MCM7: variants seen among roughly 807,000 people sequenced by gnomAD.
The protein encoded by MCM7 is minichromosome maintenance complex component 7.
Under a neutral mutation model 83.5 loss-of-function variants are expected in MCM7, and 95 were observed. The ratio of observed to expected loss-of-function variants is 1.14; its 90% CI spans 0.96 to 1.35. MCM7 has a LOEUF of 1.35. MCM7 is among the 40% of genes most tolerant of loss of function. The pLI is 0.00. For synonymous variants in MCM7, 461 were observed against 352.7 expected, an observed-to-expected ratio of 1.31 and a Z score of -3.44; for missense variants, 1,087 against 957.4, an observed-to-expected ratio of 1.14 and a Z score of -1.79.
At chr7:100,095,502 T>C (rs1383841954) in intron 11 of MCM7, 32 bp from the exon 12 acceptor site, 10 of 1,598,784 alleles carry the variant, frequency 6.3e-6, no homozygotes, top group Admixed American at 5.1e-5. Context: ...AGGAACACCC[T>C]TTTTAGGGCT....
intron 11 of MCM7, 60 bp downstream of exon 11, chr7:100,095,714 T>C (rs7799115): frequency 1 from 1,502,885 of 1,503,730 alleles, 751,026 homozygotes; most frequent in East Asian, 1. Context: ...GATTCACCTC[T>C]CCTCCTCCCT....
In MCM7 at chr7:100,101,313, G is replaced by C. The variant is rs202151130; in HGVS notation, c.-19C>G. 6.2e-7 allele frequency: 1 copy of C among 1,613,042 alleles called. No homozygotes were observed. Among genetic ancestry groups the C allele is most frequent in the African/African-American group, 1.3e-5 (1 of 75,074 alleles). On this transcript the variant is annotated 5_prime_UTR_variant, in exon 1 of 15. Coordinates refer to ENST00000303887, the MANE Select transcript of MCM7 (RefSeq NM_005916.5). ...GTGCCATCGCTGCCGAGGGCCGTGC[G>C]GCCGCGCTTGGCGGGCTCAGAGGTC...
rs548786181 is a variant in MCM7 at position 100,094,376 on chromosome 7, G to A, written c.1680-35C>T. 6.2e-6 allele frequency: 10 copies of A among 1,612,546 alleles called. No homozygotes were observed. In the African/African-American group the frequency reaches 1.3e-4, roughly 21 times the overall value. On this transcript the variant is annotated intron_variant, in intron 12 of 14. Coordinates refer to ENST00000303887, the MANE Select transcript of MCM7 (RefSeq NM_005916.5). The stretch of plus-strand genomic sequence containing the variant: ...AAGGTTCATGGGGAAGCAGAAGAGG[G>A]AGATGGGGAAGGGAGTGAATATGAG...
intron 1 of MCM7, 56 bp downstream of exon 1, chr7:100,101,208 G>A (rs1205791916): frequency 6.2e-7 from 1 of 1,605,980 alleles, no homozygotes; most frequent in African/African-American, 1.3e-5. Context: ...ACACCAACAG[G>A]TGTTCCCCGG....
In MCM7 at chr7:100,098,693, G is replaced by A. The variant is rs149181091; in HGVS notation, c.605C>T (p.Pro202Leu). Reference protein sequence around the residue: ...YQPIQSPTFMPLIMCPSQECQ... With the variant: ...YQPIQSPTFMLLIMCPSQECQ... ...CTCCTGGCTTGGGCACATGATCAGA[G>A]GCATGAAAGTGGGAGACTGGATCTA... is the stretch of plus-strand genomic sequence containing the variant. The change falls in exon 6 of 15, where the codon CCT becomes CTT. Residue 202 changes from proline (P) to leucine (L), a missense_variant. Pro to Leu is a moderately conservative substitution (Grantham distance 98, BLOSUM62 -3). Transcript: ENST00000303887. 126 of 1,614,096 alleles carry A rather than the reference G, an allele frequency of 7.8e-5. No individual in the cohort carries two copies. In the East Asian group the frequency reaches 2.3e-3, roughly 29 times the overall value.
rs778814700 is a variant in MCM7 at position 100,099,033 on chromosome 7, G to A, written c.572C>T (p.Thr191Ile). ...TTGCTCCACACGTACCGGCTGGTAG[G>A]TCTCTGCCCCACACTGGTCACAAGT... ...TYTCDQCGAETYQPIQSPTFM... is the reference protein window; with the variant it reads ...TYTCDQCGAEIYQPIQSPTFM... Residue 191 changes from threonine (T) to isoleucine (I), a missense_variant, in exon 5 of 15, where the codon ACC becomes ATC. Physicochemically the swap from Thr to Ile is moderately conservative, Grantham distance 89. Transcript: ENST00000303887. The A allele has an allele frequency of 2.5e-6, 4 of 1,614,000 alleles. No homozygotes were observed. Among genetic ancestry groups the A allele is most frequent in the Admixed American group, 3.3e-5 (2 of 59,988 alleles).
Position 100,092,826 on chromosome 7 carries a change from T to G in MCM7, c.*106A>C. Reference sequence around the variant, plus strand: ...ATTAGCAAAAGGAGTAAGTGCAGCATGGGAGAAAGAGGGGCTCCTCCTTCC... The same window carrying G: ...ATTAGCAAAAGGAGTAAGTGCAGCAGGGGAGAAAGAGGGGCTCCTCCTTCC... On this transcript the variant is annotated 3_prime_UTR_variant, in exon 15 of 15. Transcript: ENST00000303887. 8.7e-7 allele frequency: 1 copy of G among 1,155,994 alleles called. No homozygotes were observed. Among genetic ancestry groups the G allele is most frequent in the Non-Finnish European group, 1.3e-6 (1 of 780,594 alleles). The allele number at this position is 1,155,994 out of a possible 1,614,324, so 71.6% of individuals were successfully genotyped here. A position where few individuals can be genotyped will look rare whatever the true frequency, so the allele number is the denominator to read the frequency against.
At chr7:100,097,427 T>A in intron 9 of MCM7, 43 bp from the exon 10 acceptor site, 6 of 1,605,086 alleles carry the variant, frequency 3.7e-6, no homozygotes, top group Non-Finnish European at 5.1e-6. Flanking sequence ...CTTCTCCCAG[T>A]GCTTGGCCAA....
intron 1 of MCM7, chr7:100,101,062 T>C (rs1795992660): frequency 1.4e-6 from 1 of 724,448 alleles, no homozygotes; most frequent in Admixed American, 2.9e-5. Flanking sequence ...GTGGGATTAC[T>C]AGCTTTTCTT....
intron 10 of MCM7, 64 bp from the exon 11 acceptor site, chr7:100,096,231 A>G (rs1232502339): frequency 2.0e-6 from 3 of 1,484,834 alleles, no homozygotes; most frequent in African/African-American, 2.8e-5. Context: ...AGCAAAAGAC[A>G]ACAAACGGGC....
intron 1 of MCM7, chr7:100,100,767 C>G (rs1468274262): frequency 1.0e-6 from 1 of 992,590 alleles, no homozygotes; most frequent in African/African-American, 1.7e-5. Flanking sequence ...TCCCTCCAGC[C>G]TCCTCGCGCC....
intron 3 of MCM7, 30 bp from the exon 4 acceptor site, chr7:100,099,433 AAAAG>A (rs771963143): frequency 3.1e-5 from 49 of 1,586,714 alleles, no homozygotes; most frequent in African/African-American, 6.9e-5. Flanking sequence ...AAAAAAAAAA[AAAAG>A]AGCAACAGGA....
intron 12 of MCM7, among the ~76,000 whole-genome samples, chr7:100,094,986 C>G (rs1795541566): frequency 6.6e-6 from 1 of 152,020 alleles, no homozygotes; most frequent in South Asian, 2.1e-4. Flanking sequence ...AGGTGGGCAT[C>G]CTGGCCAACA....
At chr7:100,095,674 G>A in intron 11 of MCM7, 100 bp downstream of exon 11, 1 of 1,462,322 alleles carries the variant, frequency 6.8e-7, no homozygotes, top group Non-Finnish European at 9.1e-7. Context: ...GGAGGCTCTG[G>A]GGTTTCCAGG....
Position 100,096,149 on chromosome 7 carries a change from C to T in MCM7, c.1220G>A (p.Arg407Gln), listed in dbSNP as rs981979004. ...CGTAAGCCCCACTCCTGAGGAGCCC[C>T]GGCCTGTTGTGTACTGGCCTGGAAG... is the stretch of plus-strand genomic sequence containing the variant. Reference protein sequence around the residue: ...LAPRSQYTTGRGSSGVGLTAA... With the variant: ...LAPRSQYTTGQGSSGVGLTAA... The change falls in exon 11 of 15, where the codon CGG becomes CAG. Residue 407 changes from arginine (R) to glutamine (Q), a missense_variant. Physicochemically the swap from Arg to Gln is conservative, Grantham distance 43. Transcript: ENST00000303887. 8 of 1,606,952 alleles carry T rather than the reference C, an allele frequency of 5.0e-6. No homozygotes were observed. Among genetic ancestry groups the T allele is most frequent in the East Asian group, 4.5e-5 (2 of 44,696 alleles).
chr7:100,100,523 T>C (rs1795927718), intron 1 of MCM7: 7 of 995,424 alleles, frequency 7.0e-6, no homozygotes, highest in East Asian at 1.1e-4. Flanking sequence ...TCGCTTCCGC[T>C]CTTAGTAAAC....
At chr7:100,101,166 C>T in intron 1 of MCM7, 98 bp downstream of exon 1, 2 of 1,510,516 alleles carry the variant, frequency 1.3e-6, no homozygotes, top group Non-Finnish European at 9.1e-7. Context: ...ACCCCAGAAC[C>T]CGCCGACCCC....
intron 5 of MCM7, 93 bp from the exon 6 acceptor site, chr7:100,098,808 A>G (rs1466019695): frequency 6.5e-7 from 1 of 1,527,336 alleles, no homozygotes; most frequent in Non-Finnish European, 9.0e-7. Flanking sequence ...TTCATGGCAG[A>G]CATCTTGTAA....
rs761456760 is a variant in MCM7 at position 100,094,193 on chromosome 7, G to A, written c.1828C>T (p.Leu610=). ...CTTACCAGAGCAGTGGAAAGGCGCAGGATAGCCAGCAGGGTCCGGGCAGAA... is the reference window on the plus strand; with the variant it reads ...CTTACCAGAGCAGTGGAAAGGCGCAAGATAGCCAGCAGGGTCCGGGCAGAA... The part of the protein sequence containing the change: ...YTSARTLLAI[L]RLSTALARLR... The change falls in exon 13 of 15, where the codon CTG becomes TTG. Residue 610 remains leucine (L), a synonymous_variant. Coordinates refer to ENST00000303887, the MANE Select transcript of MCM7 (RefSeq NM_005916.5). 1 of 1,614,218 alleles carries A rather than the reference G, an allele frequency of 6.2e-7. No individual in the cohort carries two copies. The highest frequency in any genetic ancestry group is 1.1e-5 in the South Asian group (1 of 91,090).
Sources: allele counts gnomAD v4.1 joint callset (sites outside exome capture counted in the v4.1 genomes callset), GRCh38; gene constraint gnomAD v4.1.1; transcripts MANE v1.5; gene names NCBI Gene and HGNC (gene_info 2026-07-23, HGNC 2026-07-21).